The following C6orf52 variants were observed in gnomAD, a reference collection of about 807,000 sequenced individuals.
C6orf52 encodes chromosome 6 open reading frame 52, also known as putative uncharacterized protein C6orf52.
A neutral mutation model predicts 16.6 loss-of-function variants in C6orf52; 16 were observed. That is an observed-to-expected ratio of 0.96 (90% CI 0.65 to 1.46). The LOEUF is 1.46. C6orf52 is among the 40% of genes most tolerant of loss of function. C6orf52 has a pLI of 0.00. For synonymous variants in C6orf52, 53 were observed against 61.4 expected (o/e 0.86, Z 0.64); for missense variants, 166 against 182.3 (o/e 0.91, Z 0.52).
intron 1 of C6orf52, among the ~76,000 whole-genome samples, chr6:10,693,981 G>A (rs1160113944): frequency 6.6e-6 from 1 of 152,138 alleles, no homozygotes; most frequent in African/African-American, 2.4e-5. Flanking sequence ...GGCTCTGGCC[G>A]GGCGCTGTGG....
intron 4 of C6orf52, among the ~76,000 whole-genome samples, chr6:10,674,283 G>T (rs959376571): frequency 1.3e-5 from 2 of 152,088 alleles, no homozygotes; most frequent in Non-Finnish European, 2.9e-5. Flanking sequence ...GGGAGTGAGG[G>T]TTTCAACATA....
chr6:10,676,194 A>G (rs1767866671), intron 4 of C6orf52, among the ~76,000 whole-genome samples: 1 of 152,300 alleles, frequency 6.6e-6, no homozygotes, highest in East Asian at 1.9e-4. Context: ...TGTACCCCCA[A>G]AAACTATTGA....
chr6:10,674,218 C>T (rs1581529880), intron 4 of C6orf52, among the ~76,000 whole-genome samples: 1 of 152,100 alleles, frequency 6.6e-6, no homozygotes, highest in Admixed American at 6.5e-5. Flanking sequence ...ACCCTCATGA[C>T]CTCACCTAAT....
At chr6:10,690,839 T>G (rs970909505) in intron 1 of C6orf52, among the ~76,000 whole-genome samples, 4 of 152,252 alleles carry the variant, frequency 2.6e-5, no homozygotes, top group Non-Finnish European at 4.4e-5. Context: ...GCTTTTTACA[T>G]CCTGTATTTG....
In C6orf52 at chr6:10,687,555, C is replaced by T. The variant is rs757111273; in HGVS notation, c.-5G>A. The T allele has an allele frequency of 3.2e-6, 5 of 1,547,302 alleles. No individual in the cohort carries two copies. In the East Asian group the frequency reaches 9.8e-5, roughly 30 times the overall value. On this transcript the variant is annotated 5_prime_UTR_variant, in exon 2 of 5. Coordinates refer to ENST00000259983, the MANE Select transcript of C6orf52 (RefSeq NM_001145020.3). Reference sequence around the variant, plus strand: ...AGAACTCTCTGGTTGGGCCATTTACCCAGAAACTTTACAAAAAGAGAGCAG... The same window carrying T: ...AGAACTCTCTGGTTGGGCCATTTACTCAGAAACTTTACAAAAAGAGAGCAG...
At chr6:10,677,424 A>G (rs758812680) in intron 4 of C6orf52, among the ~76,000 whole-genome samples, 2 of 148,556 alleles carry the variant, frequency 1.3e-5, no homozygotes, top group Non-Finnish European at 3.0e-5. Context: ...ACAACTTTGT[A>G]GTACAAAGTC....
chr6:10,686,130 A>G (rs1768852921), intron 3 of C6orf52, among the ~76,000 whole-genome samples: 1 of 152,170 alleles, frequency 6.6e-6, no homozygotes, highest in African/African-American at 2.4e-5. Flanking sequence ...TCCCGGACTC[A>G]AGTGATCGTC....
chr6:10,674,639 C>CTTTTTTT (rs78122068), intron 4 of C6orf52: 41 of 126,328 alleles, frequency 3.2e-4, no homozygotes, highest in African/African-American at 1.2e-3. Context: ...TTCTTTCTTT[C>CTTTTTTT]TTTTTTTTTT....
chr6:10,672,672 A>G (rs1168559537), intron 4 of C6orf52: 2 of 668,938 alleles, frequency 3.0e-6, no homozygotes, highest in East Asian at 5.5e-5. Context: ...TTAAAAAAAG[A>G]GCAGAGAACT....
chr6:10,687,622 C>T, intron 1 of C6orf52, 61 bp from the exon 2 acceptor site: 1 of 958,772 alleles, frequency 1.0e-6, no homozygotes, highest in Non-Finnish European at 1.6e-6. Context: ...AGCTTGTGGG[C>T]TGAAACCTCT....
Position 10,687,049 on chromosome 6 carries a change from A to C in C6orf52, c.187T>G (p.Cys63Gly). The C allele has an allele frequency of 6.4e-7, 1 of 1,551,832 alleles. No homozygotes were observed. The highest frequency in any genetic ancestry group is 8.7e-7 in the Non-Finnish European group (1 of 1,146,974). ...TCCTTTCCATTTCCATCCACTGCAC[A>C]GCCATAGCTGTAGCCAGAAAGAAGG... ...SYLLSGYSYG[C>G]AVDGNGKDCF... The change falls in exon 3 of 5, where the codon TGT (cysteine) becomes GGT (glycine). Residue 63 changes from cysteine (C) to glycine (G), a missense_variant. Physicochemically the swap from Cys to Gly is radical, Grantham distance 159. Coordinates refer to ENST00000259983, the MANE Select transcript of C6orf52 (RefSeq NM_001145020.3).
intron 3 of C6orf52, among the ~76,000 whole-genome samples, chr6:10,686,625 A>G (rs1283476827): frequency 2.0e-5 from 3 of 152,264 alleles, no homozygotes; most frequent in African/African-American, 7.2e-5. Flanking sequence ...TCTAAAATTT[A>G]GCAGCAAGAA....
chr6:10,676,694 A>G (rs1226620189), intron 4 of C6orf52, among the ~76,000 whole-genome samples: 1 of 152,254 alleles, frequency 6.6e-6, no homozygotes, highest in South Asian at 2.1e-4. Context: ...CCCTACATAA[A>G]TCAGACACCG....
chr6:10,683,689 C>T (rs556815729), intron 3 of C6orf52, among the ~76,000 whole-genome samples: 5 of 152,188 alleles, frequency 3.3e-5, no homozygotes, highest in Non-Finnish European at 7.3e-5. Flanking sequence ...TCCTCAAACC[C>T]GTGACTCAGC....
intron 4 of C6orf52, among the ~76,000 whole-genome samples, chr6:10,680,802 A>G (rs1208183867): frequency 6.6e-6 from 1 of 152,104 alleles, no homozygotes. Context: ...CTTTTCTTTG[A>G]TGGGAGACTT....
chr6:10,673,929 G>A (rs1767643884), intron 4 of C6orf52, among the ~76,000 whole-genome samples: 1 of 152,148 alleles, frequency 6.6e-6, no homozygotes, highest in Non-Finnish European at 1.5e-5. Flanking sequence ...TTTTTATATT[G>A]ATTGCATGTT....
chr6:10,680,768 T>C (rs1768309068), intron 4 of C6orf52, among the ~76,000 whole-genome samples: 1 of 152,094 alleles, frequency 6.6e-6, no homozygotes. Flanking sequence ...TTTGGTAGAA[T>C]TAAACAGGCC....
intron 4 of C6orf52, among the ~76,000 whole-genome samples, chr6:10,676,228 A>G (rs1342184960): frequency 1.3e-5 from 2 of 152,224 alleles, no homozygotes; most frequent in African/African-American, 4.8e-5. Flanking sequence ...TTAAATGTGC[A>G]AAAGACCTGA....
At chr6:10,676,788 G>C (rs1013806781) in intron 4 of C6orf52, among the ~76,000 whole-genome samples, 5 of 152,140 alleles carry the variant, frequency 3.3e-5, no homozygotes, top group South Asian at 2.1e-4. Context: ...CTGTCACACA[G>C]AGCTGCTCTC....
Sources: allele counts gnomAD v4.1 joint callset (sites outside exome capture counted in the v4.1 genomes callset), GRCh38; gene constraint gnomAD v4.1.1; transcripts MANE v1.5; gene names NCBI Gene and HGNC (gene_info 2026-07-23, HGNC 2026-07-21).